Variants in DNAH6 observed in about 807,000 individuals in gnomAD.
DNAH6 encodes the protein dynein axonemal heavy chain 6.
In DNAH6, 340 loss-of-function variants were observed where a neutral mutation model predicts 491.4. That is an observed-to-expected ratio of 0.69 (90% CI 0.63 to 0.76). DNAH6 has a LOEUF of 0.76. DNAH6 is among the 30% of genes least tolerant of loss of function. DNAH6 has a pLI of 0.00. For synonymous variants in DNAH6, 1,603 were observed against 1,686.1 expected, an observed-to-expected ratio of 0.95 and a Z score of 1.21; for missense variants, 4,443 against 4,972.2, an observed-to-expected ratio of 0.89 and a Z score of 3.20.
chr2:84,511,037 A>T, the DNAH6 span, among the ~76,000 whole-genome samples: 309 of 152,180 alleles, frequency 2.0e-3, 2 homozygotes, highest in Non-Finnish European at 3.1e-3. Context: ...CCACTTGAGG[A>T]GGCAGTCTGT....
chr2:84,630,286 A>G (rs993818220), intron 29 of DNAH6, among the ~76,000 whole-genome samples: 1 of 152,338 alleles, frequency 6.6e-6, no homozygotes, highest in East Asian at 1.9e-4. Context: ...TGGAAAATTT[A>G]TAATGGACGA....
intron 64 of DNAH6, among the ~76,000 whole-genome samples, chr2:84,774,913 T>A (rs1467802976): frequency 2.6e-5 from 4 of 152,182 alleles, no homozygotes; most frequent in African/African-American, 4.8e-5. Context: ...CTGAAGACAT[T>A]TATCAGTTTT....
intron 9 of DNAH6, 34 bp from the exon 10 acceptor site, chr2:84,552,884 T>A (rs558128097): frequency 8.0e-7 from 1 of 1,252,452 alleles, no homozygotes; most frequent in Admixed American, 2.4e-5. Flanking sequence ...TTGATACTTG[T>A]GTCTTTATAA....
At chr2:84,660,102 G>A (rs1691358318) in intron 37 of DNAH6, among the ~76,000 whole-genome samples, 1 of 152,124 alleles carries the variant, frequency 6.6e-6, no homozygotes, top group East Asian at 1.9e-4. Flanking sequence ...AGCATATCTA[G>A]TATACTTATT....
upstream of DNAH6, among the ~76,000 whole-genome samples, chr2:84,513,990 G>A (rs746911041): frequency 1.4e-4 from 21 of 152,132 alleles, no homozygotes; most frequent in Admixed American, 2.6e-4. Context: ...AACAGTCTCA[G>A]ATGTGTGTGG....
chr2:84,566,794 A>C (rs1298516311), intron 11 of DNAH6, among the ~76,000 whole-genome samples: 1 of 152,124 alleles, frequency 6.6e-6, no homozygotes, highest in Non-Finnish European at 1.5e-5. Flanking sequence ...TGGCACATGA[A>C]TAGCTGTCAG....
At chr2:84,578,027 A>G (rs1213209836) in intron 13 of DNAH6, among the ~76,000 whole-genome samples, 3 of 152,326 alleles carry the variant, frequency 2.0e-5, no homozygotes, top group East Asian at 3.9e-4. Context: ...TTTACATATC[A>G]TCTATGGCTG....
At chr2:84,503,612 T>A in the DNAH6 span, among the ~76,000 whole-genome samples, 1 of 152,134 alleles carries the variant, frequency 6.6e-6, no homozygotes, top group South Asian at 2.1e-4. Flanking sequence ...TTCATTTTTT[T>A]AGGAAAGGCT....
At chr2:84,712,426 G>A (rs1342575126) in intron 56 of DNAH6, among the ~76,000 whole-genome samples, 1 of 152,070 alleles carries the variant, frequency 6.6e-6, no homozygotes, top group African/African-American at 2.4e-5. Flanking sequence ...GGGATCCCTG[G>A]GCAATGTCTC....
intron 40 of DNAH6, among the ~76,000 whole-genome samples, chr2:84,674,485 A>G (rs1693040617): frequency 6.6e-6 from 1 of 152,148 alleles, no homozygotes; most frequent in African/African-American, 2.4e-5. Context: ...GAGACTGAAG[A>G]GAGGGTCAGG....
Position 84,805,711 on chromosome 2 carries a change from C to G in DNAH6, c.11528C>G (p.Pro3843Arg). 2 of 1,551,688 alleles carry G rather than the reference C, an allele frequency of 1.3e-6. No homozygotes were observed. The highest frequency in any genetic ancestry group is 1.7e-6 in the Non-Finnish European group (2 of 1,146,916). ...TLINTILEVQPRSSTGGEGKS... is the reference protein window; with the variant it reads ...TLINTILEVQRRSSTGGEGKS... ...ATCAACACCATACTTGAGGTTCAGC[C>G]AAGGTCATCTACTGGTGGAGAGGGA... The change falls in exon 71 of 77, where the codon CCA becomes CGA. Residue 3843 changes from proline to arginine, a missense_variant. Transcript: ENST00000389394.
the DNAH6 span, among the ~76,000 whole-genome samples, chr2:84,484,902 T>C: frequency 6.6e-6 from 1 of 152,190 alleles, no homozygotes; most frequent in South Asian, 2.1e-4. Context: ...AATACCAGAC[T>C]AAATGATATC....
the DNAH6 span, among the ~76,000 whole-genome samples, chr2:84,498,055 T>C: frequency 5.9e-5 from 9 of 152,354 alleles, no homozygotes; most frequent in Non-Finnish European, 1.3e-4. Flanking sequence ...CAAGATAGGT[T>C]TCTGTACCTA....
intron 18 of DNAH6, among the ~76,000 whole-genome samples, chr2:84,599,309 A>G (rs903381201): frequency 2.0e-5 from 3 of 152,000 alleles, no homozygotes; most frequent in African/African-American, 7.2e-5. Flanking sequence ...TGATTTTCAC[A>G]GAGCAAAAAG....
the DNAH6 span, among the ~76,000 whole-genome samples, chr2:84,498,847 T>C: frequency 6.6e-6 from 1 of 152,258 alleles, no homozygotes; most frequent in East Asian, 1.9e-4. Flanking sequence ...TGGTAAAGTC[T>C]CTTATCTTTC....
At chr2:84,660,933 C>G (rs969902972) in intron 37 of DNAH6, among the ~76,000 whole-genome samples, 3 of 151,824 alleles carry the variant, frequency 2.0e-5, no homozygotes, top group Non-Finnish European at 2.9e-5. Flanking sequence ...ATGTATGATC[C>G]TGGAATGGAT....
rs1416616350 is a variant in DNAH6, at chr2:84,701,192, C to A, written c.7914C>A (p.Cys2638Ter). 2 of 1,551,756 alleles carry A rather than the reference C, an allele frequency of 1.3e-6. No homozygotes were observed. Among genetic ancestry groups the A allele is most frequent in the South Asian group, 2.4e-5 (2 of 84,060 alleles). Reference protein sequence around the residue: ...EELKEKLPLMCVNVHLSVSSM... With the variant: ...EELKEKLPLM Reference sequence around the variant, plus strand: ...TGAAAGAAAAGCTTCCCTTGATGTGCGTGAACGTTCACTTGAGTGTCTCCA... The same window carrying A: ...TGAAAGAAAAGCTTCCCTTGATGTGAGTGAACGTTCACTTGAGTGTCTCCA... Residue 2638 changes from cysteine (C) to a stop codon, truncating the protein, a stop_gained, in exon 49 of 77, where the codon TGC becomes TGA. Transcript: ENST00000389394. LOFTEE classifies it high-confidence loss of function.
intron 10 of DNAH6, among the ~76,000 whole-genome samples, chr2:84,553,414 TTTCTTTC>T (rs1679675829): frequency 6.7e-6 from 1 of 149,166 alleles, no homozygotes; most frequent in Non-Finnish European, 1.5e-5. Flanking sequence ...TCTTTCTTTC[TTTCTTTC>T]TTTCTTTCTT....
At chr2:84,558,568 C>T (rs1053974239) in intron 11 of DNAH6, among the ~76,000 whole-genome samples, 2 of 152,088 alleles carry the variant, frequency 1.3e-5, no homozygotes, top group African/African-American at 4.8e-5. Flanking sequence ...GGTGACTCAC[C>T]AGCCAACACA....
Sources: allele counts gnomAD v4.1 joint callset (sites outside exome capture counted in the v4.1 genomes callset), GRCh38; gene constraint gnomAD v4.1.1; transcripts MANE v1.5; gene names NCBI Gene and HGNC (gene_info 2026-07-23, HGNC 2026-07-21).